The following CRISPLD2 variants were observed in gnomAD, a reference collection of about 807,000 sequenced individuals.
CRISPLD2 encodes the protein cysteine-rich secretory protein LCCL domain-containing 2.
A neutral mutation model predicts 71.1 loss-of-function variants in CRISPLD2; 47 were observed. That is an observed-to-expected ratio of 0.66 (90% CI 0.52 to 0.84). The LOEUF (loss-of-function observed/expected upper bound fraction) is 0.84, where lower values mean the gene tolerates loss of function less well. Ranked by LOEUF, CRISPLD2 falls within the 40% of genes least tolerant of loss-of-function variation. The probability of loss-of-function intolerance (pLI) is 0.00; values close to 1 mark genes in which losing one functional copy is unlikely to be tolerated. For missense variants in CRISPLD2, 830 were observed against 651.1 expected, an observed-to-expected ratio of 1.27 and a Z score of -2.99; for synonymous variants, 317 against 250.1, an observed-to-expected ratio of 1.27 and a Z score of -2.52.
intron 14 of CRISPLD2, among the ~76,000 whole-genome samples, chr16:84,892,640 C>G (rs1455492791): frequency 6.6e-6 from 1 of 152,078 alleles, no homozygotes; most frequent in Non-Finnish European, 1.5e-5. Context: ...CACACCGCAT[C>G]TTCAAGATTT....
At chr16:84,881,710 G>A (rs1465390103) in intron 13 of CRISPLD2, among the ~76,000 whole-genome samples, 3 of 151,872 alleles carry the variant, frequency 2.0e-5, no homozygotes, top group South Asian at 2.1e-4. Flanking sequence ...TCCTGGGCTC[G>A]AGCGATCCTC....
At chr16:84,866,129 A>T (rs1412587383) in intron 6 of CRISPLD2, among the ~76,000 whole-genome samples, 3 of 152,092 alleles carry the variant, frequency 2.0e-5, no homozygotes, top group South Asian at 4.1e-4. Context: ...GTGCACCGTG[A>T]TGTGTGCATG....
rs564296178 is a variant in CRISPLD2, at chr16:84,829,700, G to A, written c.-74-8722G>A. On this transcript the variant is annotated intron_variant, in intron 1 of 14. Transcript: ENST00000262424. Reference sequence around the variant, plus strand: ...ACGACCCAGGACTGGTAAGTGACCAGGGCGTAGTGAATGAATCGACATTGT... The same window carrying A: ...ACGACCCAGGACTGGTAAGTGACCAAGGCGTAGTGAATGAATCGACATTGT... Among the ~76,000 whole-genome samples the A allele has an allele frequency of 3.8e-3, 582 of 152,364 alleles. 3 individuals carry two copies. Among genetic ancestry groups the A allele is most frequent in the Non-Finnish European group, 6.6e-3 (450 of 68,042 alleles).
chr16:84,846,936 T>C (rs1257176155), intron 3 of CRISPLD2, among the ~76,000 whole-genome samples: 1 of 152,198 alleles, frequency 6.6e-6, no homozygotes, highest in Non-Finnish European at 1.5e-5. Flanking sequence ...AGTCCCCTCC[T>C]GGGGGCTGAC....
chr16:84,873,162 C>G, intron 10 of CRISPLD2, 40 bp downstream of exon 10: 1 of 1,585,414 alleles, frequency 6.3e-7, no homozygotes, highest in Non-Finnish European at 8.6e-7. Context: ...AACGGTTTTC[C>G]TGTTTATGAC....
rs372363505 is a variant in CRISPLD2, at chr16:84,849,452, C to G, written c.427C>G (p.Pro143Ala). Reference protein sequence around the residue: ...DEVKDYTYPYPSECNPWCPER... With the variant: ...DEVKDYTYPYASECNPWCPER... ...GGTGAAGGACTACACCTACCCCTACCCGAGCGAGTGCAACCCCTGGTGTCC... is the reference window on the plus strand; with the variant it reads ...GGTGAAGGACTACACCTACCCCTACGCGAGCGAGTGCAACCCCTGGTGTCC... Residue 143 changes from proline to alanine, a missense_variant, in exon 4 of 15, where the codon CCG (proline) becomes GCG (alanine). Pro to Ala is a conservative substitution (Grantham distance 27). Coordinates refer to ENST00000262424, the MANE Select transcript of CRISPLD2 (RefSeq NM_031476.4). 3 of 1,614,000 alleles carry G rather than the reference C, an allele frequency of 1.9e-6. No individual in the cohort carries two copies. The highest frequency in any genetic ancestry group is 1.7e-6 in the Non-Finnish European group (2 of 1,179,986).
chr16:84,853,372 G>A (rs552466381), intron 5 of CRISPLD2, among the ~76,000 whole-genome samples: 2 of 152,332 alleles, frequency 1.3e-5, no homozygotes, highest in East Asian at 1.9e-4. Flanking sequence ...CTGAACAGAC[G>A]ATTTCTGAGC....
intron 6 of CRISPLD2, among the ~76,000 whole-genome samples, chr16:84,862,601 G>C (rs781724674): frequency 9.9e-5 from 15 of 151,304 alleles, no homozygotes; most frequent in Non-Finnish European, 1.9e-4. Flanking sequence ...TATTTCCTCA[G>C]GCTTTCAGAA....
chr16:84,860,143 C>G (rs1053544190), intron 6 of CRISPLD2, among the ~76,000 whole-genome samples: 4 of 152,154 alleles, frequency 2.6e-5, no homozygotes, highest in Non-Finnish European at 4.4e-5. Flanking sequence ...CAGTGGGCCA[C>G]CTTTTAATCC....
chr16:84,878,172 C>T (rs150637981), intron 12 of CRISPLD2, among the ~76,000 whole-genome samples: 5,044 of 151,834 alleles, frequency 0.033, 276 homozygotes, highest in African/African-American at 0.12. Context: ...TGCAGTGAGC[C>T]GAGATCGCAC....
intron 2 of CRISPLD2, among the ~76,000 whole-genome samples, chr16:84,843,156 C>A (rs997794275): frequency 6.6e-6 from 1 of 152,098 alleles, no homozygotes; most frequent in African/African-American, 2.4e-5. Context: ...TCTAAAAGGC[C>A]GGCCTGCTGG....
chr16:84,907,316 G>C lies in CRISPLD2; in HGVS notation c.*674G>C, dbSNP rs1324799140. 1 of 153,592 alleles carries C rather than the reference G, an allele frequency of 6.5e-6. No individual in the cohort carries two copies. The highest frequency in any genetic ancestry group is 6.5e-5 in the Admixed American group (1 of 15,398). The allele number at this position is 153,592 out of a possible 1,614,324, so 9.5% of individuals were successfully genotyped here. ...GATGGCTCTATACACAGCAGTGCTG[G>C]TTTATGTAGAGTTCAGCAGTCACTT... On this transcript the variant is annotated 3_prime_UTR_variant, in exon 15 of 15. Transcript: ENST00000262424.
chr16:84,878,115 T>TCGGGAGTCTGAGG (rs2071536727), intron 12 of CRISPLD2, among the ~76,000 whole-genome samples: 1 of 149,820 alleles, frequency 6.7e-6, no homozygotes, highest in Non-Finnish European at 1.5e-5. Flanking sequence ...TCCCAGCTAC[T>TCGGGAGTCTGAGG]CGGGAGTCTG....
intron 5 of CRISPLD2, among the ~76,000 whole-genome samples, chr16:84,852,570 C>G (rs925910503): frequency 3.3e-5 from 5 of 152,178 alleles, no homozygotes; most frequent in South Asian, 2.1e-4. Flanking sequence ...TCCATGGCCT[C>G]TGTCTTAGAG....
chr16:84,825,187 C>A (rs1412108122), intron 1 of CRISPLD2, among the ~76,000 whole-genome samples: 1 of 151,878 alleles, frequency 6.6e-6, no homozygotes, highest in Non-Finnish European at 1.5e-5. Flanking sequence ...ATTCAAAGGA[C>A]AGGGTTTGGG....
intron 3 of CRISPLD2, among the ~76,000 whole-genome samples, chr16:84,848,157 A>G (rs966790631): frequency 6.6e-6 from 1 of 152,172 alleles, no homozygotes; most frequent in Admixed American, 6.5e-5. Flanking sequence ...CAGCCATGCC[A>G]GTGCCAGCCT....
intron 5 of CRISPLD2, among the ~76,000 whole-genome samples, chr16:84,853,958 C>T (rs2641700): frequency 0.58 from 88,501 of 152,154 alleles, 27,689 homozygotes; most frequent in East Asian, 0.82. Flanking sequence ...CTGGGGATTC[C>T]GCTCACCACC....
intron 13 of CRISPLD2, among the ~76,000 whole-genome samples, chr16:84,886,184 C>T (rs1040727364): frequency 5.9e-5 from 9 of 152,100 alleles, no homozygotes; most frequent in Admixed American, 3.3e-4. Context: ...GCCACCGCGC[C>T]GGCCAAATTG....
intron 13 of CRISPLD2, among the ~76,000 whole-genome samples, chr16:84,884,917 T>G (rs2071599191): frequency 6.6e-6 from 1 of 152,228 alleles, no homozygotes. Context: ...AGGTTGAGTT[T>G]GTGACACCGA....
Sources: allele counts gnomAD v4.1 joint callset (sites outside exome capture counted in the v4.1 genomes callset), GRCh38; gene constraint gnomAD v4.1.1; transcripts MANE v1.5; gene names NCBI Gene and HGNC (gene_info 2026-07-23, HGNC 2026-07-21).